Variants in CUBN observed in about 807,000 individuals in gnomAD.
CUBN encodes 460 kDa receptor.
A neutral mutation model predicts 405.3 loss-of-function variants in CUBN; 282 were observed. The ratio of observed to expected loss-of-function variants is 0.70; its 90% CI spans 0.63 to 0.77. The LOEUF (loss-of-function observed/expected upper bound fraction) is 0.77, where lower values mean the gene tolerates loss of function less well. CUBN is among the 30% of genes least tolerant of loss of function. CUBN has a pLI of 0.00. For missense variants in CUBN, 4,514 were observed against 4,475.2 expected, an observed-to-expected ratio of 1.01 and a Z score of -0.25; for synonymous variants, 1,684 against 1,617.0, an observed-to-expected ratio of 1.04 and a Z score of -0.99.
chr10:17,103,091 T>C, intron 13 of CUBN, 34 bp downstream of exon 13: 1 of 1,102,520 alleles, frequency 9.1e-7, no homozygotes, highest in Non-Finnish European at 1.4e-6. Context: ...TATACAAATA[T>C]AATATGCATT....
rs886692758 is a variant in CUBN, at chr10:16,920,130, C to T, written c.6654G>A (p.Gly2218=). Residue 2218 remains glycine, a synonymous_variant, in exon 44 of 67, where the codon GGG becomes GGA. Transcript: ENST00000377833. Reference sequence around the variant, plus strand: ...CAGCATCATGGATGTAGACGTTGCCCCCACAGGCTGTGAGCAAACACACTT... The same window carrying T: ...CAGCATCATGGATGTAGACGTTGCCTCCACAGGCTGTGAGCAAACACACTT... ...IKYEAKSLAC[G]GNVYIHDADS... The T allele has an allele frequency of 1.2e-6, 2 of 1,613,690 alleles. No homozygotes were observed. Among genetic ancestry groups the T allele is most frequent in the Non-Finnish European group, 1.7e-6 (2 of 1,179,922 alleles).
chr10:17,100,271 T>G, intron 13 of CUBN, 32 bp from the exon 14 acceptor site: 1 of 1,390,912 alleles, frequency 7.2e-7, no homozygotes, highest in Admixed American at 1.7e-5. Context: ...ATATTATCTT[T>G]TACTTCCATG....
At chr10:16,837,757 G>A (rs1287013217) in intron 62 of CUBN, among the ~76,000 whole-genome samples, 3 of 151,802 alleles carry the variant, frequency 2.0e-5, no homozygotes, top group African/African-American at 7.3e-5. Context: ...CAGCTCATCC[G>A]TCAATGTTTG....
chr10:16,842,548 T>G (rs1262513601), intron 60 of CUBN, among the ~76,000 whole-genome samples: 1 of 152,162 alleles, frequency 6.6e-6, no homozygotes, highest in Non-Finnish European at 1.5e-5. Context: ...TACTCCAATC[T>G]ACCTTCAAAA....
intron 31 of CUBN, among the ~76,000 whole-genome samples, chr10:16,980,699 G>A (rs1011087613): frequency 2.6e-5 from 4 of 152,088 alleles, no homozygotes; most frequent in Admixed American, 6.6e-5. Flanking sequence ...CGAGGGGTGG[G>A]GGGCTAAGGG....
intron 6 of CUBN, among the ~76,000 whole-genome samples, chr10:17,117,703 T>C (rs1588654604): frequency 6.6e-6 from 1 of 152,342 alleles, no homozygotes; most frequent in African/African-American, 2.4e-5. Flanking sequence ...GTCCTGGGAT[T>C]ACAGGCGTGA....
intron 35 of CUBN, among the ~76,000 whole-genome samples, chr10:16,948,026 T>C (rs6602167): frequency 0.092 from 14,055 of 152,188 alleles, 1,129 homozygotes; most frequent in East Asian, 0.2. Flanking sequence ...CTGGCCAACA[T>C]AGTGAAACCT....
intron 27 of CUBN, among the ~76,000 whole-genome samples, 170 bp downstream of exon 27, chr10:17,040,863 T>A (rs1279165343): frequency 2.0e-5 from 3 of 152,194 alleles, no homozygotes; most frequent in Non-Finnish European, 4.4e-5. Flanking sequence ...ATTCACAATT[T>A]AATACATTAA....
intron 17 of CUBN, among the ~76,000 whole-genome samples, chr10:17,080,604 T>C (rs1183282136): frequency 1.3e-5 from 2 of 152,212 alleles, no homozygotes; most frequent in Non-Finnish European, 1.5e-5. Context: ...TACTTTGGGA[T>C]TGGTCAAGGA....
At chr10:17,020,902 G>A (rs1263658750) in intron 27 of CUBN, among the ~76,000 whole-genome samples, 1 of 152,152 alleles carries the variant, frequency 6.6e-6, no homozygotes, top group African/African-American at 2.4e-5. Flanking sequence ...ATAACAAACA[G>A]TATAATCATA....
chr10:16,962,955 C>A (rs1843276665), intron 31 of CUBN, among the ~76,000 whole-genome samples: 1 of 152,094 alleles, frequency 6.6e-6, no homozygotes, highest in South Asian at 2.1e-4. Flanking sequence ...TGAGGCTGTC[C>A]AGTGCTGTAT....
intron 40 of CUBN, among the ~76,000 whole-genome samples, chr10:16,931,139 C>CT (rs2131591475): frequency 6.6e-6 from 1 of 151,718 alleles, no homozygotes; most frequent in African/African-American, 2.4e-5. Flanking sequence ...TGGCGGGTGC[C>CT]TATAGTCCCA....
At chr10:16,871,355 T>C (rs1840347855) in intron 58 of CUBN, among the ~76,000 whole-genome samples, 1 of 151,280 alleles carries the variant, frequency 6.6e-6, no homozygotes, top group South Asian at 2.1e-4. Flanking sequence ...TTTCAATTTA[T>C]TTTGGCAGTA....
rs750881165 is a variant in CUBN, at chr10:17,071,544, T to TAC, written c.2505_2506dup (p.Tyr836CysfsTer65). On this transcript the variant is annotated frameshift_variant, in exon 19 of 67. Transcript: ENST00000377833. LOFTEE classifies it high-confidence loss of function. ...CCACCTACAGGTTCTTTCTCCAGGA[T>TAC]ACACGTTAGGAAAAAAAGGCGAGCG... The TAC allele has an allele frequency of 1.2e-6, 2 of 1,613,984 alleles. No individual in the cohort carries two copies. The highest frequency in any genetic ancestry group is 1.7e-6 in the Non-Finnish European group (2 of 1,179,930).
intron 36 of CUBN, among the ~76,000 whole-genome samples, chr10:16,946,069 T>G (rs1842771451): frequency 6.6e-6 from 1 of 152,202 alleles, no homozygotes; most frequent in Admixed American, 6.5e-5. Context: ...AATCCTCTTC[T>G]CTCAACCATA....
chr10:17,061,242 T>A (rs927579181), intron 22 of CUBN, among the ~76,000 whole-genome samples: 1 of 152,194 alleles, frequency 6.6e-6, no homozygotes, highest in African/African-American at 2.4e-5. Flanking sequence ...CTATTGTATC[T>A]CCCTTGTAAT....
At chr10:16,895,743 T>C (rs1421599251) in intron 54 of CUBN, among the ~76,000 whole-genome samples, 1 of 152,194 alleles carries the variant, frequency 6.6e-6, no homozygotes, top group Non-Finnish European at 1.5e-5. Flanking sequence ...TTGCATGACA[T>C]CCTTTTCCAT....
In CUBN at chr10:16,868,289, C is replaced by G. The variant is rs567808364; in HGVS notation, c.9454+1347G>C. ...AAACACAATGTCTAATTGCTTTCCT[C>G]AAGTACTGCATGGAAAAATTCACAT... On this transcript the variant is annotated intron_variant, in intron 59 of 66. Coordinates refer to ENST00000377833, the MANE Select transcript of CUBN (RefSeq NM_001081.4). Among the ~76,000 whole-genome samples the G allele has an allele frequency of 1.6e-4, 24 of 152,292 alleles. No individual in the cohort carries two copies. The South Asian group carries it at 3.3e-3, about 21-fold the overall frequency.
chr10:16,966,368 G>T (rs1208064590), intron 31 of CUBN, among the ~76,000 whole-genome samples: 1 of 152,126 alleles, frequency 6.6e-6, no homozygotes, highest in African/African-American at 2.4e-5. Flanking sequence ...CAGATATAAA[G>T]CTCCTCCTTG....
Sources: allele counts gnomAD v4.1 joint callset (sites outside exome capture counted in the v4.1 genomes callset), GRCh38; gene constraint gnomAD v4.1.1; transcripts MANE v1.5; gene names NCBI Gene and HGNC (gene_info 2026-07-23, HGNC 2026-07-21).